The following RBMS3 variants were observed in gnomAD, a reference collection of about 807,000 sequenced individuals.
RBMS3 encodes the protein RNA binding motif single stranded interacting protein 3.
Under a neutral mutation model 66.8 loss-of-function variants are expected in RBMS3, and 27 were observed. The ratio of observed to expected loss-of-function variants is 0.40; its 90% CI spans 0.30 to 0.56. RBMS3 has a LOEUF of 0.56. Among genes scored for constraint, RBMS3 ranks in the 20% least tolerant of loss-of-function variants. The pLI is 0.40. For synonymous variants in RBMS3, 188 were observed against 183.0 expected, an observed-to-expected ratio of 1.03 and a Z score of -0.22; for missense variants, 513 against 549.5, an observed-to-expected ratio of 0.93 and a Z score of 0.66.
intron 10 of RBMS3, among the ~76,000 whole-genome samples, chr3:29,931,669 A>G (rs2061129948): frequency 6.7e-6 from 1 of 149,836 alleles, no homozygotes; most frequent in Non-Finnish European, 1.5e-5. Flanking sequence ...GTTGACATCA[A>G]CAAATGAAAG....
intron 3 of RBMS3, among the ~76,000 whole-genome samples, chr3:29,497,608 A>G (rs1201120610): frequency 6.6e-6 from 1 of 152,124 alleles, no homozygotes; most frequent in East Asian, 1.9e-4. Flanking sequence ...CCAAGACTCT[A>G]CTCATCCTAT....
In RBMS3 at chr3:29,722,553, T is replaced by A. The variant is rs10470658; in HGVS notation, c.400-17167T>A. ...AATGTCCTTTATAATAAACAAAAAA[T>A]TTTTTTAGGGGAGGGTTTGGGATCT... On this transcript the variant is annotated intron_variant, in intron 4 of 14. Coordinates refer to ENST00000383767, the MANE Select transcript of RBMS3 (RefSeq NM_001003793.3). Among the ~76,000 whole-genome samples the A allele has an allele frequency of 4.3e-3, 656 of 152,196 alleles. 7 individuals carry two copies. The highest frequency in any genetic ancestry group is 0.013 in the African/African-American group (545 of 41,538).
At chr3:29,676,141 T>C (rs1345758289) in intron 4 of RBMS3, among the ~76,000 whole-genome samples, 1 of 152,206 alleles carries the variant, frequency 6.6e-6, no homozygotes, top group Non-Finnish European at 1.5e-5. Context: ...TGGATGAAGC[T>C]GGAAACCATC....
At chr3:29,455,153 A>G (rs2042142255) in intron 2 of RBMS3, among the ~76,000 whole-genome samples, 2 of 152,132 alleles carry the variant, frequency 1.3e-5, no homozygotes, top group African/African-American at 2.4e-5. Context: ...GTTCGCCACA[A>G]CATACATGTA....
intron 1 of RBMS3, among the ~76,000 whole-genome samples, chr3:29,410,338 G>A (rs2040208784): frequency 6.6e-6 from 1 of 152,174 alleles, no homozygotes; most frequent in South Asian, 2.1e-4. Flanking sequence ...CAGCATGAAA[G>A]TATACCCTAT....
intron 6 of RBMS3, among the ~76,000 whole-genome samples, chr3:29,865,253 C>T (rs2059331947): frequency 6.6e-6 from 1 of 152,052 alleles, no homozygotes; most frequent in Admixed American, 6.6e-5. Flanking sequence ...GAAATATGAG[C>T]CTATAGAAAC....
At chr3:29,378,444 C>G (rs2038595870) in intron 1 of RBMS3, among the ~76,000 whole-genome samples, 1 of 150,756 alleles carries the variant, frequency 6.6e-6, no homozygotes. Context: ...GGCATTGCAG[C>G]CTGAGTGACA....
Position 30,008,657 on chromosome 3 carries a change from C to T in RBMS3, c.*4795C>T, listed in dbSNP as rs1699872570. Reference sequence around the variant, plus strand: ...GCTCATTGATTCTGTACACTCTACCCTTCCTGTGGCAAGTGATAATGGGAT... The same window carrying T: ...GCTCATTGATTCTGTACACTCTACCTTTCCTGTGGCAAGTGATAATGGGAT... On this transcript the variant is annotated 3_prime_UTR_variant, in exon 15 of 15. Coordinates refer to ENST00000383767, the MANE Select transcript of RBMS3 (RefSeq NM_001003793.3). The T allele has an allele frequency of 6.6e-6, 1 of 152,078 alleles. No individual in the cohort carries two copies. The highest frequency in any genetic ancestry group is 6.6e-5 in the Admixed American group (1 of 15,260). The allele number at this position is 152,078 out of a possible 1,614,324, so 9.4% of individuals were successfully genotyped here.
intron 4 of RBMS3, among the ~76,000 whole-genome samples, chr3:29,592,128 A>T (rs1301660480): frequency 6.6e-6 from 1 of 152,062 alleles, no homozygotes; most frequent in Non-Finnish European, 1.5e-5. Flanking sequence ...TTTACTTGAC[A>T]TATAAAAAGA....
intron 1 of RBMS3, among the ~76,000 whole-genome samples, chr3:29,433,031 C>G (rs770739034): frequency 1.3e-5 from 2 of 152,056 alleles, no homozygotes; most frequent in Non-Finnish European, 2.9e-5. Context: ...TTACCCAGAC[C>G]CACTAGGCCT....
At chr3:29,644,535 T>C (rs11928977) in intron 4 of RBMS3, among the ~76,000 whole-genome samples, 1 of 152,190 alleles carries the variant, frequency 6.6e-6, no homozygotes, top group Non-Finnish European at 1.5e-5. Context: ...CCAGTGCTTC[T>C]TGTTCTGTTT....
intron 1 of RBMS3, among the ~76,000 whole-genome samples, chr3:29,302,738 A>T (rs1173607831): frequency 1.3e-5 from 2 of 152,032 alleles, no homozygotes; most frequent in Non-Finnish European, 2.9e-5. Flanking sequence ...CCAGAGTCCA[A>T]ACTCCCTTGC....
At chr3:29,912,747 TTGATA>T (rs2060547268) in intron 10 of RBMS3, among the ~76,000 whole-genome samples, 1 of 152,070 alleles carries the variant, frequency 6.6e-6, no homozygotes, top group African/African-American at 2.4e-5. Context: ...ATAACCTATC[TTGATA>T]TAAGAATGAC....
At chr3:29,366,159 G>A (rs1291108494) in intron 1 of RBMS3, among the ~76,000 whole-genome samples, 2 of 151,980 alleles carry the variant, frequency 1.3e-5, no homozygotes. Context: ...CTAAAGTCAG[G>A]TTTATTTTTT....
intron 1 of RBMS3, among the ~76,000 whole-genome samples, chr3:29,388,009 T>G (rs2039088296): frequency 6.6e-6 from 1 of 152,126 alleles, no homozygotes; most frequent in Admixed American, 6.5e-5. Context: ...CTGTTTGGTT[T>G]ATTTATTCAG....
chr3:29,659,479 C>G lies in RBMS3; in HGVS notation c.399+72274C>G, dbSNP rs554942690. On this transcript the variant is annotated intron_variant, in intron 4 of 14. Coordinates refer to ENST00000383767, the MANE Select transcript of RBMS3 (RefSeq NM_001003793.3). ...CATACATTATATAAATGGAATCATA[C>G]AGTAAGTATCTTTTGTCGCTAATTT... 2.6e-5 allele frequency among the ~76,000 whole-genome samples: 4 copies of G among 152,260 alleles called. No individual in the cohort carries two copies. In the South Asian group the frequency reaches 6.2e-4, roughly 24 times the overall value.
chr3:29,668,648 CA>C (rs1340281709), intron 4 of RBMS3, among the ~76,000 whole-genome samples: 1 of 151,998 alleles, frequency 6.6e-6, no homozygotes, highest in Non-Finnish European at 1.5e-5. Context: ...AAATAATGCA[CA>C]AAAGGGTGGA....
intron 3 of RBMS3, among the ~76,000 whole-genome samples, chr3:29,565,388 G>A (rs752448053): frequency 6.6e-6 from 1 of 152,144 alleles, no homozygotes; most frequent in Non-Finnish European, 1.5e-5. Context: ...GTTTTTAAGG[G>A]CAGGACTTGA....
intron 6 of RBMS3, among the ~76,000 whole-genome samples, chr3:29,776,548 C>A (rs140580710): frequency 6.6e-6 from 1 of 151,920 alleles, no homozygotes; most frequent in Non-Finnish European, 1.5e-5. Context: ...TTGATGTTAA[C>A]AATATCTCCT....
Sources: gnomAD v4.1 joint callset for allele counts (sites outside exome capture counted in the v4.1 genomes callset) on GRCh38, gnomAD v4.1.1 for gene constraint, MANE v1.5 for transcripts, NCBI Gene and HGNC (gene_info 2026-07-23, HGNC 2026-07-21) for gene names.